The following NKAIN2 variants were observed in gnomAD, a reference collection of about 807,000 sequenced individuals.
NKAIN2 encodes the protein sodium/potassium transporting ATPase interacting 2, also known as sodium/potassium-transporting ATPase subunit beta-1-interacting protein 2.
In NKAIN2, 14 loss-of-function variants were observed where a neutral mutation model predicts 32.6. That is an observed-to-expected ratio of 0.43 (90% CI 0.28 to 0.67). The LOEUF is 0.67. NKAIN2 is among the 30% of genes least tolerant of loss of function. NKAIN2 has a pLI of 0.17. For missense variants in NKAIN2, 198 were observed against 258.3 expected (o/e 0.77, Z 1.60); for synonymous variants, 80 against 87.2 (o/e 0.92, Z 0.46).
At chr6:123,975,183 A>G (rs1778502966) in intron 1 of NKAIN2, among the ~76,000 whole-genome samples, 1 of 152,234 alleles carries the variant, frequency 6.6e-6, no homozygotes, top group Non-Finnish European at 1.5e-5. Context: ...GTAAAATAAA[A>G]TAACCCACTA....
At chr6:124,452,453 C>T (rs915331533) in intron 3 of NKAIN2, among the ~76,000 whole-genome samples, 1 of 151,598 alleles carries the variant, frequency 6.6e-6, no homozygotes, top group Non-Finnish European at 1.5e-5. Flanking sequence ...TTTGGATGAT[C>T]AATATAATAT....
Position 124,136,686 on chromosome 6 carries a change from G to T in NKAIN2, c.55-146319G>T, listed in dbSNP as rs181272261. Among the ~76,000 whole-genome samples the T allele has an allele frequency of 3.3e-5, 5 of 152,224 alleles. No individual in the cohort carries two copies. The East Asian group carries it at 9.6e-4, about 29-fold the overall frequency. ...ATTAAGTGGGTTTTATACCAGGGAT[G>T]CAGGGACGGTTTAACATATGCAAGT... is the stretch of plus-strand genomic sequence containing the variant. On this transcript the variant is annotated intron_variant, in intron 1 of 6. Coordinates refer to ENST00000368417, the MANE Select transcript of NKAIN2 (RefSeq NM_001040214.3).
In NKAIN2 at chr6:123,925,371, T is replaced by C. The variant is rs138555167; in HGVS notation, c.54+121117T>C. Among the ~76,000 whole-genome samples the C allele has an allele frequency of 3.0e-3, 451 of 152,284 alleles. 3 individuals carry two copies. Among genetic ancestry groups the C allele is most frequent in the African/African-American group, 0.01 (432 of 41,566 alleles). On this transcript the variant is annotated intron_variant, in intron 1 of 6. Transcript: ENST00000368417. ...AAACACTAGCAGTATTTTTGAAATG[T>C]CCAAGGGCTATAAAACAAAGTGGAT...
At chr6:124,158,340 G>C (rs1168168548) in intron 1 of NKAIN2, among the ~76,000 whole-genome samples, 2 of 152,054 alleles carry the variant, frequency 1.3e-5, no homozygotes, top group Admixed American at 1.3e-4. Flanking sequence ...TTCTGTGAAG[G>C]CCCTGTCTCT....
intron 1 of NKAIN2, among the ~76,000 whole-genome samples, chr6:124,261,703 T>G (rs1794256125): frequency 6.6e-6 from 1 of 151,846 alleles, no homozygotes; most frequent in Non-Finnish European, 1.5e-5. Flanking sequence ...CGGCTAAAAG[T>G]CCAAAAATTA....
chr6:124,182,490 T>A (rs1789493962), intron 1 of NKAIN2, among the ~76,000 whole-genome samples: 1 of 152,220 alleles, frequency 6.6e-6, no homozygotes. Flanking sequence ...TAGTAAAATA[T>A]TTTAAACACA....
At chr6:124,760,722 G>GC (rs1253700323) in intron 4 of NKAIN2, among the ~76,000 whole-genome samples, 12 of 152,084 alleles carry the variant, frequency 7.9e-5, no homozygotes, top group Non-Finnish European at 1.5e-4. Flanking sequence ...AAGAGCCACT[G>GC]CTTGGGAAAA....
intron 4 of NKAIN2, among the ~76,000 whole-genome samples, chr6:124,715,724 C>T (rs377133046): frequency 1.1e-3 from 172 of 152,340 alleles, no homozygotes; most frequent in African/African-American, 4.0e-3. Context: ...CCCAACTCCA[C>T]AAAACTGCTA....
intron 3 of NKAIN2, among the ~76,000 whole-genome samples, chr6:124,564,538 C>T (rs777726818): frequency 7.2e-5 from 11 of 152,186 alleles, no homozygotes; most frequent in East Asian, 3.9e-4. Flanking sequence ...TCCCATTACA[C>T]GGAAGCTTTG....
intron 1 of NKAIN2, among the ~76,000 whole-genome samples, chr6:123,988,970 A>C (rs1779292096): frequency 1.3e-5 from 2 of 151,876 alleles, no homozygotes; most frequent in African/African-American, 4.8e-5. Context: ...TCTTTTGTTT[A>C]AAGGTGTTTA....
intron 3 of NKAIN2, among the ~76,000 whole-genome samples, chr6:124,560,012 A>T (rs115754479): frequency 6.6e-6 from 1 of 151,902 alleles, no homozygotes; most frequent in South Asian, 2.1e-4. Flanking sequence ...AGGTCAAAAT[A>T]TGAGATTAGT....
intron 1 of NKAIN2, among the ~76,000 whole-genome samples, chr6:123,996,923 T>A (rs1779641945): frequency 6.6e-6 from 1 of 152,136 alleles, no homozygotes; most frequent in Admixed American, 6.5e-5. Flanking sequence ...AATGGAAAAA[T>A]AACATTTTAG....
At chr6:124,660,365 C>T (rs558004069) in intron 4 of NKAIN2, among the ~76,000 whole-genome samples, 1 of 152,216 alleles carries the variant, frequency 6.6e-6, no homozygotes, top group Admixed American at 6.5e-5. Context: ...TTAAATGCCA[C>T]ATAAAATGCT....
chr6:124,492,283 A>G (rs1313788178), intron 3 of NKAIN2, among the ~76,000 whole-genome samples: 2 of 152,048 alleles, frequency 1.3e-5, no homozygotes, highest in African/African-American at 2.4e-5. Context: ...GATACTTGGC[A>G]TATGCCTATT....
intron 2 of NKAIN2, among the ~76,000 whole-genome samples, chr6:124,348,147 G>A (rs1054901398): frequency 3.3e-5 from 5 of 152,164 alleles, no homozygotes; most frequent in African/African-American, 1.2e-4. Context: ...CTGCAGAACC[G>A]TGGATTTTCG....
At chr6:124,569,270 G>T (rs551700433) in intron 3 of NKAIN2, among the ~76,000 whole-genome samples, 3 of 152,138 alleles carry the variant, frequency 2.0e-5, no homozygotes, top group Non-Finnish European at 4.4e-5. Flanking sequence ...GATTGAGATA[G>T]ATGCCATCTG....
At chr6:124,435,782 C>T (rs1241823165) in intron 3 of NKAIN2, among the ~76,000 whole-genome samples, 1 of 152,078 alleles carries the variant, frequency 6.6e-6, no homozygotes, top group Non-Finnish European at 1.5e-5. Flanking sequence ...TTCTCAAATG[C>T]TTCTTTCTTA....
intron 1 of NKAIN2, among the ~76,000 whole-genome samples, chr6:123,867,757 A>G (rs749500000): frequency 2.6e-5 from 4 of 152,148 alleles, no homozygotes; most frequent in Non-Finnish European, 5.9e-5. Context: ...TCTTTCTCAA[A>G]GCACACCTCA....
chr6:124,498,168 A>G (rs1778141177), intron 3 of NKAIN2, among the ~76,000 whole-genome samples: 2 of 152,158 alleles, frequency 1.3e-5, no homozygotes, highest in African/African-American at 2.4e-5. Context: ...TTACTTATTC[A>G]TTCCTGCACT....
Sources: allele counts gnomAD v4.1 joint callset (sites outside exome capture counted in the v4.1 genomes callset), GRCh38; gene constraint gnomAD v4.1.1; transcripts MANE v1.5; gene names NCBI Gene and HGNC (gene_info 2026-07-23, HGNC 2026-07-21).